The following MYOM2 variants were observed in gnomAD, a reference collection of about 807,000 sequenced individuals.
The protein encoded by MYOM2 is myomesin 2.
A neutral mutation model predicts 187.6 loss-of-function variants in MYOM2; 254 were observed. The observed-to-expected ratio is 1.35, with a 90% CI of 1.22 to 1.50. The LOEUF is 1.50. MYOM2 is among the 40% of genes most tolerant of loss of function. The pLI, the probability that MYOM2 is intolerant of heterozygous loss-of-function variation, is 0.00. For synonymous variants in MYOM2, 981 were observed against 753.8 expected (o/e 1.30, Z -4.94); for missense variants, 2,796 against 1,924.0 (o/e 1.45, Z -8.48).
intron 5 of MYOM2, among the ~76,000 whole-genome samples, chr8:2,058,209 G>A (rs1399929978): frequency 6.6e-6 from 1 of 151,826 alleles, no homozygotes; most frequent in African/African-American, 2.4e-5. Flanking sequence ...AGTAGAGATG[G>A]GGTTTCACCA....
chr8:2,107,770 G>T (rs1472300186), intron 23 of MYOM2, among the ~76,000 whole-genome samples: 1 of 152,160 alleles, frequency 6.6e-6, no homozygotes, highest in Non-Finnish European at 1.5e-5. Flanking sequence ...TGTTGGCCCT[G>T]CCTCCAGGGT....
intron 17 of MYOM2, among the ~76,000 whole-genome samples, chr8:2,094,298 T>C (rs997011851): frequency 3.3e-5 from 5 of 152,064 alleles, no homozygotes; most frequent in Non-Finnish European, 7.4e-5. Flanking sequence ...GATAATACAC[T>C]AATAAAACGC....
chr8:2,117,825 T>C lies in MYOM2; in HGVS notation c.3386-60T>C, dbSNP rs1687484411. The C allele has an allele frequency of 7.0e-6, 8 of 1,145,630 alleles. No homozygotes were observed. The South Asian group carries it at 9.5e-5, about 14-fold the overall frequency. 71.0% of individuals were successfully genotyped at this position (1,145,630 alleles called of 1,614,324 possible). ...TGTGGGTATATATATATAATAGCTA[T>C]ATATTTATTTGTTTACTTTTTCCTT... On this transcript the variant is annotated intron_variant, in intron 27 of 36. Transcript: ENST00000262113.
chr8:2,104,094 G>A (rs769754123), intron 21 of MYOM2, among the ~76,000 whole-genome samples: 1 of 152,162 alleles, frequency 6.6e-6, no homozygotes, highest in Non-Finnish European at 1.5e-5. Flanking sequence ...CAAGCCACGT[G>A]CAGGAAGGAG....
intron 6 of MYOM2, among the ~76,000 whole-genome samples, chr8:2,064,963 G>A (rs2129331878): frequency 6.6e-6 from 1 of 152,344 alleles, no homozygotes; most frequent in South Asian, 2.1e-4. Context: ...AGGGCAAGGA[G>A]GGATTTCCGT....
At chr8:2,128,138 A>G (rs1388202327) in intron 31 of MYOM2, among the ~76,000 whole-genome samples, 1 of 152,226 alleles carries the variant, frequency 6.6e-6, no homozygotes, top group Non-Finnish European at 1.5e-5. Flanking sequence ...TTTTCTATAG[A>G]GAAATTAATG....
At chr8:2,112,999 G>A (rs909586371) in intron 25 of MYOM2, among the ~76,000 whole-genome samples, 2 of 152,170 alleles carry the variant, frequency 1.3e-5, no homozygotes, top group African/African-American at 2.4e-5. Context: ...CTTGGGTCCT[G>A]GGTAAGATCA....
In MYOM2 at chr8:2,141,192, T is replaced by A; in HGVS notation, c.4001+15T>A. The A allele has an allele frequency of 6.2e-7, 1 of 1,611,328 alleles. No homozygotes were observed. The highest frequency in any genetic ancestry group is 1.1e-5 in the South Asian group (1 of 90,710). On this transcript the variant is annotated intron_variant, in intron 34 of 36. Transcript: ENST00000262113. ...CAGCAATTCAAGTAAGATTTGTGTA[T>A]TTAGTTACTATGATATCCTGTGGGC...
intron 10 of MYOM2, among the ~76,000 whole-genome samples, chr8:2,073,895 C>T (rs749111523): frequency 6.6e-6 from 1 of 152,168 alleles, no homozygotes; most frequent in Non-Finnish European, 1.5e-5. Flanking sequence ...CTCCTGCCAG[C>T]GACTCATTCC....
At chr8:2,143,515 C>G (rs1390148017) in intron 36 of MYOM2, 59 bp downstream of exon 36, 3 of 1,601,676 alleles carry the variant, frequency 1.9e-6, no homozygotes, top group East Asian at 2.2e-5. Flanking sequence ...GGACGCAACC[C>G]CTTCTCTTGG....
chr8:2,052,131 C>T, intron 2 of MYOM2, 27 bp from the exon 3 acceptor site: 2 of 1,611,870 alleles, frequency 1.2e-6, no homozygotes, highest in Non-Finnish European at 1.7e-6. Context: ...GAGCATGCAT[C>T]TCCTAATCGT....
chr8:2,114,035 G>A (rs1293582624), intron 25 of MYOM2, among the ~76,000 whole-genome samples: 2 of 152,166 alleles, frequency 1.3e-5, no homozygotes, highest in Non-Finnish European at 2.9e-5. Flanking sequence ...AAGGGAGGCA[G>A]AGCTGTGGAA....
At chr8:2,108,052 A>G (rs1375319905) in intron 23 of MYOM2, among the ~76,000 whole-genome samples, 1 of 152,224 alleles carries the variant, frequency 6.6e-6, no homozygotes, top group Non-Finnish European at 1.5e-5. Context: ...AGTTGCCAAT[A>G]TGAATTTACT....
In MYOM2 at chr8:2,109,073, G is replaced by A. The variant is rs1550458; in HGVS notation, c.3043+243G>A. On this transcript the variant is annotated intron_variant, in intron 24 of 36. Coordinates refer to ENST00000262113, the MANE Select transcript of MYOM2 (RefSeq NM_003970.4). The stretch of plus-strand genomic sequence containing the variant: ...GGTTTAGTATAGCTGTTGCTAATCC[G>A]AGTGAGATCCAAGATTTCATTTCCT... 0.28 allele frequency among the ~76,000 whole-genome samples: 43,181 copies of A among 152,058 alleles called. 7,186 individuals are homozygous for A. Among genetic ancestry groups the A allele is most frequent in the South Asian group, 0.43 (2,063 of 4,804 alleles).
rs540418506 is a variant in MYOM2 at position 2,116,903 on chromosome 8, G to A, written c.3385+628G>A. Among the ~76,000 whole-genome samples the A allele has an allele frequency of 8.2e-4, 124 of 150,732 alleles. 2 individuals carry two copies. The South Asian group carries it at 0.012, about 15-fold the overall frequency. ...CTCCCGAATAGCTGGGACTACAGGC[G>A]CCCGCCACTATGCCCGGTTAATTTT... On this transcript the variant is annotated intron_variant, in intron 27 of 36. Transcript: ENST00000262113.
At chr8:2,115,913 G>C in intron 25 of MYOM2, 47 bp from the exon 26 acceptor site, 1 of 1,586,810 alleles carries the variant, frequency 6.3e-7, no homozygotes, top group Non-Finnish European at 8.6e-7. Context: ...GGAAAACTAG[G>C]AGAGATTTCC....
Position 2,080,992 on chromosome 8 carries a change from C to T in MYOM2, c.1516+1379C>T, listed in dbSNP as rs1422848062. 2.2e-5 allele frequency among the ~76,000 whole-genome samples: 3 copies of T among 137,754 alleles called. No homozygotes were observed. In the Admixed American group the frequency reaches 2.2e-4, roughly 10 times the overall value. 90.4% of individuals were successfully genotyped at this position (137,754 alleles called of 152,430 possible). On this transcript the variant is annotated intron_variant, in intron 13 of 36. Coordinates refer to ENST00000262113, the MANE Select transcript of MYOM2 (RefSeq NM_003970.4). Reference sequence around the variant, plus strand: ...TGGCCTGCGGGAGGAACAGGCAGCCCAGCCCTTGCAGAATGTGGTTTGGTT... The same window carrying T: ...TGGCCTGCGGGAGGAACAGGCAGCCTAGCCCTTGCAGAATGTGGTTTGGTT...
intron 34 of MYOM2, among the ~76,000 whole-genome samples, chr8:2,141,984 A>G (rs1027931466): frequency 2.0e-5 from 3 of 151,940 alleles, no homozygotes; most frequent in Non-Finnish European, 4.4e-5. Flanking sequence ...TTTAATGAAC[A>G]TTTGTTGACT....
intron 3 of MYOM2, among the ~76,000 whole-genome samples, chr8:2,055,632 G>C (rs1047615800): frequency 6.6e-6 from 1 of 152,192 alleles, no homozygotes; most frequent in Non-Finnish European, 1.5e-5. Flanking sequence ...AGAGGCTGCA[G>C]ACTTCTGCAA....
Sources: allele counts gnomAD v4.1 joint callset (sites outside exome capture counted in the v4.1 genomes callset), GRCh38; gene constraint gnomAD v4.1.1; transcripts MANE v1.5; gene names NCBI Gene and HGNC (gene_info 2026-07-23, HGNC 2026-07-21).